Variants in KCNK2 observed in about 807,000 individuals in gnomAD.
The protein encoded by KCNK2 is potassium two pore domain channel subfamily K member 2.
A neutral mutation model predicts 40.5 loss-of-function variants in KCNK2; 21 were observed. The observed-to-expected ratio is 0.52, with a 90% CI of 0.37 to 0.75. The LOEUF (loss-of-function observed/expected upper bound fraction) is 0.75, where lower values mean the gene tolerates loss of function less well. Among genes scored for constraint, KCNK2 ranks in the 30% least tolerant of loss-of-function variants. KCNK2 has a pLI of 0.00. For synonymous variants in KCNK2, 191 were observed against 202.2 expected, an observed-to-expected ratio of 0.94 and a Z score of 0.47; for missense variants, 399 against 531.6, an observed-to-expected ratio of 0.75 and a Z score of 2.45.
chr1:215,032,092 A>G (rs563857262), intron 1 of KCNK2, among the ~76,000 whole-genome samples: 1 of 151,076 alleles, frequency 6.6e-6, no homozygotes, highest in South Asian at 2.1e-4. Flanking sequence ...TATCTGTTAC[A>G]TCAATTAAGG....
At chr1:215,070,976 T>G (rs1282419002) in intron 1 of KCNK2, among the ~76,000 whole-genome samples, 1 of 152,204 alleles carries the variant, frequency 6.6e-6, no homozygotes, top group Non-Finnish European at 1.5e-5. Flanking sequence ...ATCAAATCAA[T>G]TATTAATGTA....
chr1:215,121,540 G>A lies in KCNK2; in HGVS notation c.358-3093G>A, dbSNP rs550512834. 2.0e-5 allele frequency among the ~76,000 whole-genome samples: 3 copies of A among 152,252 alleles called. No individual in the cohort carries two copies. The South Asian group carries it at 6.2e-4, about 32-fold the overall frequency. On this transcript the variant is annotated intron_variant, in intron 2 of 6. Transcript: ENST00000444842. Reference sequence around the variant, plus strand: ...TTCACCTGCCTCAGTCTCCCAAAGTGCTGGGATTAAAGGCAGGAGCCGCCA... The same window carrying A: ...TTCACCTGCCTCAGTCTCCCAAAGTACTGGGATTAAAGGCAGGAGCCGCCA...
chr1:215,177,708 C>CTA (rs1258742466), intron 5 of KCNK2, among the ~76,000 whole-genome samples: 5 of 121,920 alleles, frequency 4.1e-5, no homozygotes, highest in South Asian at 2.4e-4. Flanking sequence ...CTCCACTGGC[C>CTA]TATATATATA....
intron 4 of KCNK2, among the ~76,000 whole-genome samples, chr1:215,170,138 A>G (rs747908726): frequency 3.9e-5 from 6 of 152,164 alleles, no homozygotes; most frequent in Non-Finnish European, 5.9e-5. Context: ...ATTATTTTAA[A>G]ATTTGTTTTG....
chr1:215,064,927 A>G (rs570512061), intron 1 of KCNK2, among the ~76,000 whole-genome samples: 1 of 152,272 alleles, frequency 6.6e-6, no homozygotes, highest in South Asian at 2.1e-4. Context: ...GGGATGTCAC[A>G]GTATTGTGTT....
At chr1:215,014,673 C>T (rs1443660632) in intron 1 of KCNK2, among the ~76,000 whole-genome samples, 1 of 152,074 alleles carries the variant, frequency 6.6e-6, no homozygotes, top group Non-Finnish European at 1.5e-5. Context: ...TAAGAAACCA[C>T]ATCCAGCCAG....
At chr1:215,155,545 G>A (rs533319954) in intron 3 of KCNK2, among the ~76,000 whole-genome samples, 15 of 152,142 alleles carry the variant, frequency 9.9e-5, no homozygotes, top group South Asian at 8.3e-4. Flanking sequence ...TTTAGAGACC[G>A]AGCCTTGCTC....
chr1:215,056,615 C>CTT (rs34925678), intron 1 of KCNK2, among the ~76,000 whole-genome samples: 4,304 of 103,952 alleles, frequency 0.041, 484 homozygotes, highest in African/African-American at 0.1. Context: ...TGTGTCCACT[C>CTT]TTTTTTTTTT....
At chr1:215,163,218 G>A (rs1663285310) in intron 3 of KCNK2, among the ~76,000 whole-genome samples, 2 of 152,014 alleles carry the variant, frequency 1.3e-5, no homozygotes, top group African/African-American at 4.8e-5. Flanking sequence ...CTCATGATTT[G>A]GCTCTCTGTC....
At chr1:215,019,858 A>G (rs1656728076) in intron 1 of KCNK2, among the ~76,000 whole-genome samples, 1 of 152,080 alleles carries the variant, frequency 6.6e-6, no homozygotes, top group Admixed American at 6.6e-5. Flanking sequence ...TTGGCACAAT[A>G]TTATTGTTCT....
At chr1:215,094,405 C>T (rs372279114) in intron 2 of KCNK2, among the ~76,000 whole-genome samples, 1 of 151,998 alleles carries the variant, frequency 6.6e-6, no homozygotes, top group Non-Finnish European at 1.5e-5. Context: ...AATTATTTTA[C>T]CAGATTAACT....
In KCNK2 at chr1:215,083,251, C is replaced by A; in HGVS notation, c.-135C>A. Reference sequence around the variant, plus strand: ...GCTCTCCCCACCTTGTAAAACAAAGCCGGGGAAAATGCCTGCCCGTGCAGC... The same window carrying A: ...GCTCTCCCCACCTTGTAAAACAAAGACGGGGAAAATGCCTGCCCGTGCAGC... On this transcript the variant is annotated 5_prime_UTR_variant, in exon 1 of 7. Coordinates refer to ENST00000444842, the MANE Select transcript of KCNK2 (RefSeq NM_001017425.3). The A allele has an allele frequency of 6.7e-7, 1 of 1,491,444 alleles. No individual in the cohort carries two copies. Among genetic ancestry groups the A allele is most frequent in the Middle Eastern group, 1.9e-4 (1 of 5,380 alleles). 92.4% of individuals were successfully genotyped at this position (1,491,444 alleles called of 1,614,324 possible). A position where few individuals can be genotyped will look rare whatever the true frequency, so the allele number is the denominator to read the frequency against.
intron 1 of KCNK2, among the ~76,000 whole-genome samples, chr1:215,077,039 A>G (rs140548471): frequency 1.5e-4 from 23 of 152,300 alleles, no homozygotes; most frequent in African/African-American, 4.8e-4. Context: ...TCCTCTTAGC[A>G]TAGTAGCCTC....
intron 1 of KCNK2, among the ~76,000 whole-genome samples, chr1:215,034,058 T>G (rs1657297817): frequency 6.6e-6 from 1 of 152,218 alleles, no homozygotes; most frequent in South Asian, 2.1e-4. Flanking sequence ...TGCCCTTCTT[T>G]GTATTCTCTT....
chr1:215,124,612 A>C, intron 2 of KCNK2, 21 bp from the exon 3 acceptor site: 1 of 1,420,174 alleles, frequency 7.0e-7, no homozygotes, highest in South Asian at 1.1e-5. Context: ...TGTACTGATA[A>C]ATTTCTTTTT....
rs1409661057 is a variant in KCNK2 at position 215,237,056 on chromosome 1, A to G, written c.*1911A>G. On this transcript the variant is annotated 3_prime_UTR_variant, in exon 7 of 7. Transcript: ENST00000444842. ...GGAATGCGCCATGTATAAACTGTGAATTGTATTGACAAATAAAGTTTGTAA... is the reference window on the plus strand; with the variant it reads ...GGAATGCGCCATGTATAAACTGTGAGTTGTATTGACAAATAAAGTTTGTAA... 1 of 152,548 alleles carries G rather than the reference A, an allele frequency of 6.6e-6. No individual in the cohort carries two copies. The highest frequency in any genetic ancestry group is 2.4e-5 in the African/African-American group (1 of 41,414). The allele number at this position is 152,548 out of a possible 1,614,324, so 9.4% of individuals were successfully genotyped here.
intron 1 of KCNK2, among the ~76,000 whole-genome samples, chr1:215,074,857 A>G (rs1571885528): frequency 6.6e-6 from 1 of 152,214 alleles, no homozygotes; most frequent in African/African-American, 2.4e-5. Flanking sequence ...CAGCTTTGAA[A>G]GGGAAAAAGA....
intron 1 of KCNK2, among the ~76,000 whole-genome samples, chr1:215,035,729 C>T (rs562240753): frequency 6.6e-5 from 10 of 152,090 alleles, no homozygotes; most frequent in African/African-American, 1.9e-4. Flanking sequence ...TATGAACATA[C>T]GTGTTCAATT....
intron 3 of KCNK2, among the ~76,000 whole-genome samples, chr1:215,155,458 C>G (rs547681044): frequency 1.3e-5 from 2 of 151,930 alleles, no homozygotes; most frequent in African/African-American, 4.8e-5. Context: ...TTTAAAACTA[C>G]GAATTTTTGT....
Sources: gnomAD v4.1 joint callset for allele counts (sites outside exome capture counted in the v4.1 genomes callset) on GRCh38, gnomAD v4.1.1 for gene constraint, MANE v1.5 for transcripts, NCBI Gene and HGNC (gene_info 2026-07-23, HGNC 2026-07-21) for gene names.